The following COL13A1 variants were observed in gnomAD, a reference collection of about 807,000 sequenced individuals.
The protein encoded by COL13A1 is collagen alpha-1(XIII) chain.
A neutral mutation model predicts 130.9 loss-of-function variants in COL13A1; 89 were observed. That is an observed-to-expected ratio of 0.68 (90% CI 0.57 to 0.81). The LOEUF is 0.81. COL13A1 is among the 30% of genes least tolerant of loss of function. COL13A1 has a pLI of 0.00. For missense variants in COL13A1, 879 were observed against 934.6 expected (o/e 0.94, Z 0.78); for synonymous variants, 402 against 341.6 (o/e 1.18, Z -1.95).
chr10:69,933,456 G>A (rs2066426091), intron 31 of COL13A1, among the ~76,000 whole-genome samples: 1 of 152,148 alleles, frequency 6.6e-6, no homozygotes, highest in Non-Finnish European at 1.5e-5. Context: ...GGGCTCAGGG[G>A]CAAGAACCCG....
intron 34 of COL13A1, 140 bp from the exon 35 acceptor site, chr10:69,940,848 C>A: frequency 8.6e-7 from 1 of 1,165,302 alleles, no homozygotes. Context: ...AAGCTTATTT[C>A]TCCAGTTGTG....
At chr10:69,897,604 A>G in intron 13 of COL13A1, 2 of 1,534,706 alleles carry the variant, frequency 1.3e-6, no homozygotes, top group East Asian at 4.5e-5. Context: ...CCAACATTGC[A>G]CATCCCCAGG....
intron 36 of COL13A1, among the ~76,000 whole-genome samples, chr10:69,944,570 G>A (rs1307325267): frequency 1.3e-5 from 2 of 151,678 alleles, no homozygotes; most frequent in Admixed American, 6.6e-5. Context: ...GAGGCAGGAG[G>A]ATCAGTTGAG....
At chr10:69,822,346 C>T in intron 1 of COL13A1, 23 bp from the exon 2 acceptor site, 1 of 1,560,534 alleles carries the variant, frequency 6.4e-7, no homozygotes, top group Non-Finnish European at 8.7e-7. Flanking sequence ...CTGGTGACTC[C>T]TCTTGTCTGT....
At chr10:69,929,041 G>C in intron 28 of COL13A1, 42 bp downstream of exon 28, 5 of 1,520,150 alleles carry the variant, frequency 3.3e-6, no homozygotes, top group Non-Finnish European at 4.5e-6. Context: ...CTTTGCAAGG[G>C]CATCGACCCC....
Position 69,925,009 on chromosome 10 carries a change from T to C in COL13A1, c.1329+2T>C. Reference sequence around the variant, plus strand: ...GAACAGGGACCAGATGGCCCCAAGGTATGTGCCTCTCCCTCCTGGAGTCAC... The same window carrying C: ...GAACAGGGACCAGATGGCCCCAAGGCATGTGCCTCTCCCTCCTGGAGTCAC... On this transcript the variant is annotated splice_donor_variant, in intron 25 of 40. Coordinates refer to ENST00000645393, the MANE Select transcript of COL13A1 (RefSeq NM_001368882.1). LOFTEE classifies it high-confidence loss of function. The C allele has an allele frequency of 1.3e-6, 2 of 1,581,058 alleles. No individual in the cohort carries two copies. The highest frequency in any genetic ancestry group is 1.7e-6 in the Non-Finnish European group (2 of 1,164,284).
chr10:69,816,417 A>G (rs753501323), intron 1 of COL13A1, among the ~76,000 whole-genome samples: 1 of 151,644 alleles, frequency 6.6e-6, no homozygotes, highest in Non-Finnish European at 1.5e-5. Flanking sequence ...TGAGATGCCT[A>G]TGAAGGGCCA....
At position 69,894,655 on chromosome 10, in the gene COL13A1, T is replaced by C; in HGVS notation, c.631-20T>C. 1 of 1,614,010 alleles carries C rather than the reference T, an allele frequency of 6.2e-7. No homozygotes were observed. Among genetic ancestry groups the C allele is most frequent in the Non-Finnish European group, 8.5e-7 (1 of 1,179,892 alleles). On this transcript the variant is annotated intron_variant, in intron 11 of 40. Coordinates refer to ENST00000645393, the MANE Select transcript of COL13A1 (RefSeq NM_001368882.1). ...ACCTTAGCTTTGGTTTCTAACTCTCTCATCTCCGTCTCTTTGTAGGGACCC... is the reference window on the plus strand; with the variant it reads ...ACCTTAGCTTTGGTTTCTAACTCTCCCATCTCCGTCTCTTTGTAGGGACCC...
intron 7 of COL13A1, among the ~76,000 whole-genome samples, chr10:69,882,618 G>C (rs1398989791): frequency 6.6e-6 from 1 of 152,194 alleles, no homozygotes; most frequent in Non-Finnish European, 1.5e-5. Context: ...GTAAGTTCTG[G>C]AGCTTGGGTT....
chr10:69,896,550 G>A (rs2061663617), intron 13 of COL13A1, among the ~76,000 whole-genome samples: 1 of 152,220 alleles, frequency 6.6e-6, no homozygotes, highest in African/African-American at 2.4e-5. Flanking sequence ...TCCGGGTGGT[G>A]CGATTTTGGG....
In COL13A1 at chr10:69,822,362, T is replaced by C. The variant is rs753430896; in HGVS notation, c.295-7T>C. 8 of 1,574,670 alleles carry C rather than the reference T, an allele frequency of 5.1e-6. No homozygotes were observed. Among genetic ancestry groups the C allele is most frequent in the East Asian group, 4.7e-5 (2 of 42,540 alleles). ...TGGTGACTCCTCTTGTCTGTCTCCTTGTACAGAAATGGAAGCTCCACTCAA... is the reference window on the plus strand; with the variant it reads ...TGGTGACTCCTCTTGTCTGTCTCCTCGTACAGAAATGGAAGCTCCACTCAA... On this transcript the variant is annotated splice_region_variant and splice_polypyrimidine_tract_variant and intron_variant, in intron 1 of 40. Coordinates refer to ENST00000645393, the MANE Select transcript of COL13A1 (RefSeq NM_001368882.1).
At chr10:69,869,859 A>G (rs1461373189) in intron 3 of COL13A1, among the ~76,000 whole-genome samples, 1 of 152,230 alleles carries the variant, frequency 6.6e-6, no homozygotes, top group Non-Finnish European at 1.5e-5. Flanking sequence ...CTTTCTCTGA[A>G]GGAATATAGG....
At chr10:69,900,500 C>A (rs560094225) in intron 14 of COL13A1, among the ~76,000 whole-genome samples, 1 of 152,106 alleles carries the variant, frequency 6.6e-6, no homozygotes, top group Non-Finnish European at 1.5e-5. Context: ...AGAAAGAAGA[C>A]GAGGCACCTC....
Position 69,849,262 on chromosome 10 carries a change from T to A in COL13A1, c.365-18536T>A, listed in dbSNP as rs372832514. On this transcript the variant is annotated intron_variant, in intron 2 of 40. Transcript: ENST00000645393. The stretch of plus-strand genomic sequence containing the variant: ...CAGAAGTGGCTGCCCTCCCCTTCAA[T>A]CCCTTTCCTGCTTCCTCCAGGAGGG... 1.4e-3 allele frequency among the ~76,000 whole-genome samples: 202 copies of A among 149,570 alleles called. 2 individuals carry two copies. The highest frequency in any genetic ancestry group is 4.5e-3 in the African/African-American group (185 of 41,074).
At position 69,868,876 on chromosome 10, in the gene COL13A1, T is replaced by C. The variant is rs2134006979; in HGVS notation, c.372+1071T>C. On this transcript the variant is annotated intron_variant, in intron 3 of 40. Coordinates refer to ENST00000645393, the MANE Select transcript of COL13A1 (RefSeq NM_001368882.1). Reference sequence around the variant, plus strand: ...ATGGCACGTTTGGTGTGTCAGATCTTAATTCCTATCATCCATCTTCCAAAA... The same window carrying C: ...ATGGCACGTTTGGTGTGTCAGATCTCAATTCCTATCATCCATCTTCCAAAA... Among the ~76,000 whole-genome samples, 2 of 152,318 alleles carry C rather than the reference T, an allele frequency of 1.3e-5. 1 individual carries two copies. Among genetic ancestry groups the C allele is most frequent in the South Asian group, 4.1e-4 (2 of 4,828 alleles).
intron 3 of COL13A1, among the ~76,000 whole-genome samples, chr10:69,871,359 G>A (rs1290220848): frequency 6.6e-6 from 1 of 152,148 alleles, no homozygotes; most frequent in African/African-American, 2.4e-5. Context: ...ACACATTCGT[G>A]AATGAAACAG....
intron 4 of COL13A1, among the ~76,000 whole-genome samples, chr10:69,873,144 C>T (rs1414887369): frequency 6.6e-6 from 1 of 152,086 alleles, no homozygotes; most frequent in Admixed American, 6.5e-5. Flanking sequence ...CTGAGGCTGG[C>T]ACCAGTCTGC....
chr10:69,863,954 G>A (rs1274502589), intron 2 of COL13A1, among the ~76,000 whole-genome samples: 1 of 152,080 alleles, frequency 6.6e-6, no homozygotes, highest in African/African-American at 2.4e-5. Flanking sequence ...TGTGGTCTCA[G>A]CTACTCGGGA....
chr10:69,897,299 G>T (rs1331737994), intron 13 of COL13A1, among the ~76,000 whole-genome samples: 1 of 152,070 alleles, frequency 6.6e-6, no homozygotes, highest in Non-Finnish European at 1.5e-5. Context: ...GGGGTGGCAG[G>T]TCTCGGGGCC....
Sources: gnomAD v4.1 joint callset for allele counts (sites outside exome capture counted in the v4.1 genomes callset) on GRCh38, gnomAD v4.1.1 for gene constraint, MANE v1.5 for transcripts, NCBI Gene and HGNC (gene_info 2026-07-23, HGNC 2026-07-21) for gene names.